The following CYB5RL variants were observed in gnomAD, a reference collection of about 807,000 sequenced individuals.
The protein encoded by CYB5RL is cytochrome b5 reductase like, also known as NADH-cytochrome b5 reductase-like.
A neutral mutation model predicts 37.5 loss-of-function variants in CYB5RL; 38 were observed. The ratio of observed to expected loss-of-function variants is 1.01; its 90% confidence interval spans 0.78 to 1.33. The LOEUF is 1.33. CYB5RL is among the 40% of genes most tolerant of loss of function. The probability of loss-of-function intolerance (pLI) is 0.00; values close to 1 mark genes in which losing one functional copy is unlikely to be tolerated. For synonymous variants in CYB5RL, 141 were observed against 151.9 expected (o/e 0.93, Z 0.53); for missense variants, 388 against 394.4 (o/e 0.98, Z 0.14).
chr1:54,188,938 A>G (rs1643925933), intron 4 of CYB5RL, among the ~76,000 whole-genome samples: 1 of 152,216 alleles, frequency 6.6e-6, no homozygotes. Flanking sequence ...TAATCCCAGC[A>G]CTCTGGGAGG....
At chr1:54,190,039 T>C (rs1324021519) in intron 4 of CYB5RL, among the ~76,000 whole-genome samples, 3 of 152,196 alleles carry the variant, frequency 2.0e-5, no homozygotes, top group South Asian at 2.1e-4. Context: ...CCCAAACCCA[T>C]GCCTGCAGCT....
rs756490976 is a variant in CYB5RL at position 54,171,433 on chromosome 1, C to T, written c.*3186G>A. On this transcript the variant is annotated 3_prime_UTR_variant, in exon 8 of 8. Transcript: ENST00000534324. ...GTGGGGAAAACTGGTCTGGTCTCAG[C>T]GTGGAGGTGGCATGGAGACTGGGAG... The T allele has an allele frequency of 4.2e-5, 19 of 456,116 alleles. No homozygotes were observed. Among genetic ancestry groups the T allele is most frequent in the East Asian group, 2.8e-4 (4 of 14,376 alleles). 28.3% of individuals were successfully genotyped at this position (456,116 alleles called of 1,614,324 possible).
chr1:54,180,043 C>T (rs1325564294), intron 6 of CYB5RL: 4 of 451,032 alleles, frequency 8.9e-6, no homozygotes, highest in South Asian at 1.6e-5. Context: ...GTCAGGAGTT[C>T]GAGACCAACG....
chr1:54,178,968 T>A (rs1660087685), intron 7 of CYB5RL, among the ~76,000 whole-genome samples, 181 bp downstream of exon 7: 2 of 152,164 alleles, frequency 1.3e-5, no homozygotes, highest in African/African-American at 4.8e-5. Flanking sequence ...TGAATGTGCA[T>A]CTCCTCATCT....
chr1:54,171,050 C>G lies in CYB5RL; in HGVS notation c.*3569G>C, dbSNP rs767243430. On this transcript the variant is annotated 3_prime_UTR_variant, in exon 8 of 8. Transcript: ENST00000534324. The stretch of plus-strand genomic sequence containing the variant: ...CCCTCATGCTCACATGCAGATGACA[C>G]TTATGGGTACAGCGACAGAAAAGCA... 2 of 438,968 alleles carry G rather than the reference C, an allele frequency of 4.6e-6. No homozygotes were observed. Among genetic ancestry groups the G allele is most frequent in the South Asian group, 3.3e-5 (2 of 61,354 alleles). 27.2% of individuals were successfully genotyped at this position (438,968 alleles called of 1,614,324 possible). A position where few individuals can be genotyped will look rare whatever the true frequency, so the allele number is the denominator to read the frequency against.
At chr1:54,179,009 A>T in intron 7 of CYB5RL, 140 bp downstream of exon 7, 1 of 960,304 alleles carries the variant, frequency 1.0e-6, no homozygotes. Flanking sequence ...CCTGCCTTCC[A>T]TACAGGTGGG....
At chr1:54,195,886 G>A (rs1462093335) in intron 2 of CYB5RL, among the ~76,000 whole-genome samples, 171 bp from the exon 3 acceptor site, 1 of 152,204 alleles carries the variant, frequency 6.6e-6, no homozygotes, top group Non-Finnish European at 1.5e-5. Flanking sequence ...GTTTTAGAAG[G>A]ACAATCCCTC....
Position 54,190,499 on chromosome 1 carries a change from T to G in CYB5RL, c.347+249A>C, listed in dbSNP as rs777888907. On this transcript the variant is annotated intron_variant, in intron 4 of 7. Transcript: ENST00000534324. ...AGGATTTTGTGAGGGTTAAATGATT[T>G]CATGCCTATAAGCACCCAGAACTGT... The G allele has an allele frequency of 7.9e-5, 48 of 604,882 alleles. No homozygotes were observed. In the Admixed American group the frequency reaches 8.3e-4, roughly 10 times the overall value. 37.5% of individuals were successfully genotyped at this position (604,882 alleles called of 1,614,324 possible). A position where few individuals can be genotyped will look rare whatever the true frequency, so the allele number is the denominator to read the frequency against.
intron 5 of CYB5RL, chr1:54,184,490 T>C (rs1046931498): frequency 1.4e-5 from 7 of 505,976 alleles, no homozygotes; most frequent in South Asian, 1.3e-4. Context: ...TGAGAATCCA[T>C]AGGACCTAAA....
chr1:54,191,886 T>G (rs143756310), intron 3 of CYB5RL, among the ~76,000 whole-genome samples: 12 of 152,326 alleles, frequency 7.9e-5, no homozygotes, highest in African/African-American at 2.9e-4. Context: ...TCGGGAGAAC[T>G]GGGTTTAGCC....
rs1343660414 is a variant in CYB5RL at position 54,173,752 on chromosome 1, T to C, written c.*867A>G. ...ACTGCAGTGCGCTGCCCAGGGGCAC[T>C]GGGTTCCTGGGATAGGGGTGCCAGG... On this transcript the variant is annotated 3_prime_UTR_variant, in exon 8 of 8. Transcript: ENST00000534324. 1 of 152,606 alleles carries C rather than the reference T, an allele frequency of 6.6e-6. No homozygotes were observed. Among genetic ancestry groups the C allele is most frequent in the Non-Finnish European group, 1.5e-5 (1 of 68,052 alleles). 9.5% of individuals were successfully genotyped at this position (152,606 alleles called of 1,614,324 possible). A position where few individuals can be genotyped will look rare whatever the true frequency, so the allele number is the denominator to read the frequency against.
At chr1:54,186,749 G>A (rs920741156) in intron 5 of CYB5RL, among the ~76,000 whole-genome samples, 2 of 151,728 alleles carry the variant, frequency 1.3e-5, no homozygotes, top group Non-Finnish European at 2.9e-5. Context: ...ATAAACACTC[G>A]GGCTCAGACG....
Position 54,171,398 on chromosome 1 carries a change from G to A in CYB5RL, c.*3221C>T, listed in dbSNP as rs1208077742. Reference sequence around the variant, plus strand: ...TTTCAAGCAGGGGAGTGACAGGCTTGGATTTGTGTGTGGGGAAAACTGGTC... The same window carrying A: ...TTTCAAGCAGGGGAGTGACAGGCTTAGATTTGTGTGTGGGGAAAACTGGTC... On this transcript the variant is annotated 3_prime_UTR_variant, in exon 8 of 8. Coordinates refer to ENST00000534324, the MANE Select transcript of CYB5RL (RefSeq NM_001031672.4). 6.6e-6 allele frequency: 3 copies of A among 456,184 alleles called. No individual in the cohort carries two copies. Among genetic ancestry groups the A allele is most frequent in the Non-Finnish European group, 1.3e-5 (3 of 226,818 alleles). The allele number at this position is 456,184 out of a possible 1,614,324, so 28.3% of individuals were successfully genotyped here. A position where few individuals can be genotyped will look rare whatever the true frequency, so the allele number is the denominator to read the frequency against.
intron 4 of CYB5RL, 89 bp from the exon 5 acceptor site, chr1:54,187,828 C>CCTCGGCCTCCCAA: frequency 8.5e-7 from 1 of 1,177,414 alleles, no homozygotes; most frequent in Non-Finnish European, 1.3e-6. Flanking sequence ...GTAATCCCCA[C>CCTCGGCCTCCCAA]ACTTTGGGAG....
At chr1:54,197,608 T>C (rs1644020811) in intron 1 of CYB5RL, among the ~76,000 whole-genome samples, 1 of 152,186 alleles carries the variant, frequency 6.6e-6, no homozygotes, top group Non-Finnish European at 1.5e-5. Context: ...TTCCTCTTGC[T>C]ACCTACGTCT....
At chr1:54,183,315 C>T (rs1382431941) in intron 6 of CYB5RL, among the ~76,000 whole-genome samples, 1 of 152,224 alleles carries the variant, frequency 6.6e-6, no homozygotes, top group Non-Finnish European at 1.5e-5. Context: ...GAAGAGCCAG[C>T]ATTTTGATTC....
chr1:54,174,450 G>A lies in CYB5RL; in HGVS notation c.*169C>T. 1.4e-6 allele frequency: 1 copy of A among 722,064 alleles called. No individual in the cohort carries two copies. The highest frequency in any genetic ancestry group is 2.3e-6 in the Non-Finnish European group (1 of 432,650). The allele number at this position is 722,064 out of a possible 1,614,324, so 44.7% of individuals were successfully genotyped here. A position where few individuals can be genotyped will look rare whatever the true frequency, so the allele number is the denominator to read the frequency against. ...GCCAGGAGGAGTGATTAACCTCATG[G>A]GGCAGATGAGAAGTAGAGGTTCTGA... is the stretch of plus-strand genomic sequence containing the variant. On this transcript the variant is annotated 3_prime_UTR_variant, in exon 8 of 8. Transcript: ENST00000534324.
chr1:54,176,595 C>A (rs770180974), intron 7 of CYB5RL, among the ~76,000 whole-genome samples: 2 of 152,226 alleles, frequency 1.3e-5, no homozygotes, highest in Non-Finnish European at 2.9e-5. Context: ...TGAGGGGGAT[C>A]CTCTCTGATG....
intron 6 of CYB5RL, among the ~76,000 whole-genome samples, chr1:54,183,604 G>T (rs1009089014): frequency 6.6e-6 from 1 of 152,184 alleles, no homozygotes; most frequent in Non-Finnish European, 1.5e-5. Context: ...GCTCCTAAAC[G>T]TCAAGTACAA....
Sources: gnomAD v4.1 joint callset for allele counts (sites outside exome capture counted in the v4.1 genomes callset) on GRCh38, gnomAD v4.1.1 for gene constraint, MANE v1.5 for transcripts, NCBI Gene and HGNC (gene_info 2026-07-23, HGNC 2026-07-21) for gene names.